The following SAMD8 variants were observed in gnomAD, a reference collection of about 807,000 sequenced individuals.
The protein encoded by SAMD8 is sterile alpha motif domain containing 8.
Under a neutral mutation model 42.0 loss-of-function variants are expected in SAMD8, and 20 were observed. The ratio of observed to expected loss-of-function variants is 0.48; its 90% CI spans 0.34 to 0.69. The LOEUF is 0.69. SAMD8 is among the 30% of genes least tolerant of loss of function. The pLI, the probability that SAMD8 is intolerant of heterozygous loss-of-function variation, is 0.01. For missense variants in SAMD8, 328 were observed against 511.6 expected, an observed-to-expected ratio of 0.64 and a Z score of 3.46; for synonymous variants, 162 against 173.0, an observed-to-expected ratio of 0.94 and a Z score of 0.50.
At chr10:75,119,619 C>T (rs911861776) in intron 1 of SAMD8, among the ~76,000 whole-genome samples, 1 of 152,200 alleles carries the variant, frequency 6.6e-6, no homozygotes, top group Admixed American at 6.5e-5. Context: ...TCTGCACACA[C>T]ATGCACACAC....
chr10:75,181,615 G>A lies in SAMD8; in HGVS notation c.*4923G>A, dbSNP rs1325646113. 14 of 152,144 alleles carry A rather than the reference G, an allele frequency of 9.2e-5. No individual in the cohort carries two copies. The highest frequency in any genetic ancestry group is 9.2e-4 in the Admixed American group (14 of 15,272). 9.4% of individuals were successfully genotyped at this position (152,144 alleles called of 1,614,324 possible). ...AGTGTATTCCATGTTTCAGCATAAGGAAAGTTTGTGCCTGATATGGCAGGA... is the reference window on the plus strand; with the variant it reads ...AGTGTATTCCATGTTTCAGCATAAGAAAAGTTTGTGCCTGATATGGCAGGA... On this transcript the variant is annotated 3_prime_UTR_variant, in exon 6 of 6. Transcript: ENST00000542569.
chr10:75,111,733 G>C lies in SAMD8; in HGVS notation c.-16+11G>C, dbSNP rs1304518721. 1.6e-6 allele frequency: 2 copies of C among 1,233,808 alleles called. No homozygotes were observed. The highest frequency in any genetic ancestry group is 2.0e-6 in the Non-Finnish European group (2 of 988,816). 76.4% of individuals were successfully genotyped at this position (1,233,808 alleles called of 1,614,324 possible). On this transcript the variant is annotated intron_variant, in intron 1 of 5. Transcript: ENST00000542569. ...ACTCGGACCGCGGAGGTGAGCGGGA[G>C]CTGAGGCTGAGGAGAGGGGAGCTTG...
chr10:75,109,072 C>T (rs780900943), upstream of SAMD8: 11 of 1,612,348 alleles, frequency 6.8e-6, no homozygotes, highest in South Asian at 5.5e-5. Flanking sequence ...CTTCCCTGCC[C>T]GCAGGAGCTC....
chr10:75,174,630 T>TC lies in SAMD8; in HGVS notation c.793-1434dup, dbSNP rs1840948580. On this transcript the variant is annotated intron_variant, in intron 4 of 5. Coordinates refer to ENST00000542569, the MANE Select transcript of SAMD8 (RefSeq NM_001174156.2). Reference sequence around the variant, plus strand: ...TTGTACTTTTAGTAGAGATGGGTTTTCCATGTTGGTCAGGCTGATCTCGAA... The same window carrying TC: ...TTGTACTTTTAGTAGAGATGGGTTTTCCCATGTTGGTCAGGCTGATCTCGAA... Among the ~76,000 whole-genome samples, 3 of 150,104 alleles carry TC rather than the reference T, an allele frequency of 2.0e-5. No individual in the cohort carries two copies. The South Asian group carries it at 6.3e-4, about 32-fold the overall frequency.
chr10:75,159,536 T>C (rs935964745), intron 2 of SAMD8, among the ~76,000 whole-genome samples: 3 of 152,206 alleles, frequency 2.0e-5, no homozygotes, highest in African/African-American at 7.2e-5. Context: ...CTTTTCCATT[T>C]TCTTGCACAT....
chr10:75,158,405 A>G (rs1840471522), intron 2 of SAMD8, among the ~76,000 whole-genome samples: 1 of 152,098 alleles, frequency 6.6e-6, no homozygotes, highest in South Asian at 2.1e-4. Context: ...CAGCCTGGCC[A>G]ACATGGCGAA....
intron 1 of SAMD8, among the ~76,000 whole-genome samples, chr10:75,100,473 G>A (rs1564660896): frequency 1.3e-5 from 2 of 152,244 alleles, no homozygotes; most frequent in Admixed American, 6.5e-5. Flanking sequence ...AGGGGAAGTC[G>A]GTGGTTGTGG....
chr10:75,138,428 A>G (rs2134456492), intron 1 of SAMD8, among the ~76,000 whole-genome samples: 1 of 152,258 alleles, frequency 6.6e-6, no homozygotes, highest in South Asian at 2.1e-4. Context: ...GTGCTATGGT[A>G]TTTGCAGTTT....
chr10:75,126,320 T>G (rs1849131956), intron 1 of SAMD8, among the ~76,000 whole-genome samples: 2 of 152,174 alleles, frequency 1.3e-5, no homozygotes, highest in Non-Finnish European at 2.9e-5. Context: ...TTTTGAGGAT[T>G]GAGTGAACTA....
chr10:75,176,574 G>A lies in SAMD8; in HGVS notation c.1130G>A (p.Arg377Lys), dbSNP rs1292041704. ...ANTRAYQQSR[R>K]ARIWFPMFSF... is the part of the protein sequence containing the mutation. ...ACCAGAGCATATCAGCAGAGTAGGA[G>A]AGCAAGGATTTGGTTTCCCATGTTC... Residue 377 changes from arginine to lysine, a missense_variant, in exon 6 of 6, where the codon AGA becomes AAA. By Grantham distance (26) the Arg-to-Lys change is conservative (BLOSUM62 2). Coordinates refer to ENST00000542569, the MANE Select transcript of SAMD8 (RefSeq NM_001174156.2). The surrounding 1 kb of genome is among the most constrained non-coding windows in gnomAD (Gnocchi z 4.3). 1 of 1,550,500 alleles carries A rather than the reference G, an allele frequency of 6.4e-7. No individual in the cohort carries two copies. The highest frequency in any genetic ancestry group is 8.7e-7 in the Non-Finnish European group (1 of 1,147,014).
chr10:75,108,873 TG>T, upstream of SAMD8: 1 of 1,206,538 alleles, frequency 8.3e-7, no homozygotes, highest in Non-Finnish European at 1.1e-6. Flanking sequence ...CCGGGGGTCC[TG>T]GAGAAGGTCC....
intron 1 of SAMD8, among the ~76,000 whole-genome samples, chr10:75,135,752 G>A (rs1307982892): frequency 1.3e-5 from 2 of 151,958 alleles, no homozygotes; most frequent in Non-Finnish European, 2.9e-5. Context: ...TGTGAACCTG[G>A]GAGGCAGAGC....
intron 1 of SAMD8, among the ~76,000 whole-genome samples, chr10:75,102,615 C>A (rs544417696): frequency 6.6e-6 from 1 of 151,558 alleles, no homozygotes; most frequent in Admixed American, 6.6e-5. Flanking sequence ...CAAGACCAGT[C>A]TAGGCAATAT....
chr10:75,155,049 A>G (rs2804521), intron 2 of SAMD8, among the ~76,000 whole-genome samples: 37,861 of 151,832 alleles, frequency 0.25, 5,231 homozygotes, highest in East Asian at 0.58. Flanking sequence ...GTGTCACCAC[A>G]CCTGCCTGAT....
At chr10:75,115,751 G>A (rs548006353) in intron 1 of SAMD8, among the ~76,000 whole-genome samples, 11 of 151,896 alleles carry the variant, frequency 7.2e-5, no homozygotes, top group East Asian at 3.9e-4. Context: ...CCATCCTGGC[G>A]AACACGGTGA....
chr10:75,168,291 T>C (rs1042494908), intron 3 of SAMD8: 1 of 279,950 alleles, frequency 3.6e-6, no homozygotes, highest in Non-Finnish European at 5.4e-6. Flanking sequence ...TCAGTCATAC[T>C]GGCCACATTT....
chr10:75,164,630 T>A lies in SAMD8; in HGVS notation c.579-15T>A, dbSNP rs766730026. ...GTATACTTCTTCAATTCAAAATCAT[T>A]TTTTTCTGTTCCAGCGTTCCTAGAA... is the stretch of plus-strand genomic sequence containing the variant. On this transcript the variant is annotated splice_polypyrimidine_tract_variant and intron_variant, in intron 2 of 5. Transcript: ENST00000542569. 27 of 1,612,406 alleles carry A rather than the reference T, an allele frequency of 1.7e-5. 1 individual carries two copies. The East Asian group carries it at 3.3e-4, about 20-fold the overall frequency.
chr10:75,136,109 C>T (rs184883238), intron 1 of SAMD8, among the ~76,000 whole-genome samples: 6 of 151,804 alleles, frequency 4.0e-5, no homozygotes, highest in African/African-American at 1.4e-4. Flanking sequence ...TCTCATTTTG[C>T]CTTTCCTCCC....
rs888939892 is a variant in SAMD8, at chr10:75,165,019, G to A, written c.674+279G>A. On this transcript the variant is annotated intron_variant, in intron 3 of 5. Coordinates refer to ENST00000542569, the MANE Select transcript of SAMD8 (RefSeq NM_001174156.2). Reference sequence around the variant, plus strand: ...GATCTAAAAAAAAGAGGCTGGGCGCGGTGGCTCATGCCTGTAATCCCAGCA... The same window carrying A: ...GATCTAAAAAAAAGAGGCTGGGCGCAGTGGCTCATGCCTGTAATCCCAGCA... Among the ~76,000 whole-genome samples, 9 of 152,216 alleles carry A rather than the reference G, an allele frequency of 5.9e-5. No homozygotes were observed. In the East Asian group the frequency reaches 1.3e-3, roughly 23 times the overall value.
Sources: allele counts gnomAD v4.1 joint callset (sites outside exome capture counted in the v4.1 genomes callset), GRCh38; gene constraint gnomAD v4.1.1; non-coding constraint Gnocchi (gnomAD v3.1); transcripts MANE v1.5; gene names NCBI Gene and HGNC (gene_info 2026-07-23, HGNC 2026-07-21).